Variants in GABRB3 observed in about 807,000 individuals in gnomAD.
GABRB3 encodes gamma-aminobutyric acid type A receptor subunit beta3.
GABRB3 carries 14 observed loss-of-function variants against 52.1 expected under a neutral mutation model. The observed-to-expected ratio is 0.27, with a 90% CI of 0.18 to 0.42. The LOEUF is 0.42. Among genes scored for constraint, GABRB3 ranks in the 10% least tolerant of loss-of-function variants. The pLI is 1.00. For missense variants in GABRB3, 307 were observed against 609.1 expected (o/e 0.50, Z 5.22); for synonymous variants, 260 against 232.3 (o/e 1.12, Z -1.08).
Position 26,547,981 on chromosome 15 carries a change from G to T in GABRB3, c.1234C>A (p.His412Asn). 9.9e-6 allele frequency: 16 copies of T among 1,614,190 alleles called. No individual in the cohort carries two copies. The highest frequency in any genetic ancestry group is 1.3e-5 in the Non-Finnish European group (15 of 1,180,034). ...CTTCTGTCCCCCAGGAATCGCCCAT[G>T]CCCTTCTCGAGGCATGCTCTGTTTC... ...YRKQSMPREGHGRFLGDRSLP... is the reference protein window; with the variant it reads ...YRKQSMPREGNGRFLGDRSLP... The change falls in exon 9 of 9, where the codon CAT becomes AAT. Residue 412 changes from histidine (H) to asparagine (N), a missense_variant. Coordinates refer to ENST00000311550, the MANE Select transcript of GABRB3 (RefSeq NM_000814.6).
At chr15:26,751,614 G>A (rs1394156578) in intron 3 of GABRB3, among the ~76,000 whole-genome samples, 1 of 151,864 alleles carries the variant, frequency 6.6e-6, no homozygotes, top group Admixed American at 6.6e-5. Flanking sequence ...AAAATCAATA[G>A]TATGTCTAAC....
intron 3 of GABRB3, among the ~76,000 whole-genome samples, chr15:26,720,532 C>T (rs962242582): frequency 6.6e-6 from 1 of 152,132 alleles, no homozygotes; most frequent in Non-Finnish European, 1.5e-5. Flanking sequence ...GGGACCCAGA[C>T]GGTCAGGTTT....
chr15:26,741,337 T>C (rs1462747384), intron 3 of GABRB3, among the ~76,000 whole-genome samples: 1 of 152,104 alleles, frequency 6.6e-6, no homozygotes, highest in Non-Finnish European at 1.5e-5. Context: ...CACAGTGCCA[T>C]TACCAGACAC....
chr15:26,606,135 A>T (rs769591071), intron 4 of GABRB3, among the ~76,000 whole-genome samples: 14 of 152,098 alleles, frequency 9.2e-5, no homozygotes, highest in Non-Finnish European at 1.9e-4. Context: ...TGGAGATTAC[A>T]ATTCAACATG....
At chr15:26,605,060 C>A (rs1392551323) in intron 4 of GABRB3, among the ~76,000 whole-genome samples, 1 of 152,134 alleles carries the variant, frequency 6.6e-6, no homozygotes, top group African/African-American at 2.4e-5. Context: ...GGTGCTCAAA[C>A]AACTCTATAG....
intron 3 of GABRB3, among the ~76,000 whole-genome samples, chr15:26,627,343 T>C (rs1892740218): frequency 1.4e-5 from 1 of 73,036 alleles, no homozygotes; most frequent in African/African-American, 4.5e-5. Context: ...CTACAGCCCA[T>C]AGATCAAGGA....
intron 4 of GABRB3, chr15:26,616,202 G>T: frequency 4.8e-6 from 3 of 624,410 alleles, no homozygotes; most frequent in Admixed American, 2.5e-5. Context: ...AGGATGGAGG[G>T]TGGCTGAGCC....
At chr15:26,675,211 A>G (rs1888029012) in intron 3 of GABRB3, among the ~76,000 whole-genome samples, 1 of 152,182 alleles carries the variant, frequency 6.6e-6, no homozygotes, top group African/African-American at 2.4e-5. Context: ...TCTGAACAAC[A>G]ACAAAACATG....
intron 3 of GABRB3, among the ~76,000 whole-genome samples, chr15:26,737,110 C>T (rs760303754): frequency 3.9e-5 from 6 of 152,352 alleles, no homozygotes; most frequent in South Asian, 2.1e-4. Context: ...CCAGAGAACA[C>T]GGCTGAGGCC....
intron 4 of GABRB3, among the ~76,000 whole-genome samples, chr15:26,601,084 T>C (rs1247013663): frequency 6.6e-6 from 1 of 152,104 alleles, no homozygotes; most frequent in African/African-American, 2.4e-5. Context: ...GTAAGGCTCA[T>C]GGTAAGCACA....
intron 3 of GABRB3, among the ~76,000 whole-genome samples, chr15:26,685,238 T>C (rs1711914028): frequency 6.6e-6 from 1 of 152,156 alleles, no homozygotes; most frequent in South Asian, 2.1e-4. Flanking sequence ...ATGAAGCCCC[T>C]TCCTCTCAGC....
chr15:26,736,912 C>A, intron 3 of GABRB3, among the ~76,000 whole-genome samples: 1 of 152,238 alleles, frequency 6.6e-6, no homozygotes, highest in East Asian at 1.9e-4. Context: ...GTCACCGGCA[C>A]TTCCCAGGTT....
intron 3 of GABRB3, among the ~76,000 whole-genome samples, chr15:26,720,109 A>G (rs1388207703): frequency 6.6e-6 from 1 of 152,080 alleles, no homozygotes; most frequent in African/African-American, 2.4e-5. Context: ...AACCTGGCTC[A>G]AAAAGCTCCC....
In GABRB3 at chr15:26,628,350, C is replaced by G. The variant is rs79796963; in HGVS notation, c.241-6816G>C. ...CGCCTGCTAGGCAACTTGGGGGAGG[C>G]GAAGATGAACCTGAGGCACTGTGAG... On this transcript the variant is annotated intron_variant, in intron 3 of 8. Coordinates refer to ENST00000311550, the MANE Select transcript of GABRB3 (RefSeq NM_000814.6). Among the ~76,000 whole-genome samples the G allele has an allele frequency of 6.4e-3, 977 of 152,244 alleles. 17 individuals are homozygous for G. Among genetic ancestry groups the G allele is most frequent in the African/African-American group, 0.023 (954 of 41,536 alleles).
At chr15:26,767,668 C>T (rs1012604454) in intron 3 of GABRB3, among the ~76,000 whole-genome samples, 2 of 152,170 alleles carry the variant, frequency 1.3e-5, no homozygotes, top group African/African-American at 4.8e-5. Context: ...GCCTGAGAAC[C>T]TGGCCAGGGA....
At chr15:26,766,815 A>G (rs1891009576) in intron 3 of GABRB3, among the ~76,000 whole-genome samples, 2 of 152,148 alleles carry the variant, frequency 1.3e-5, no homozygotes, top group South Asian at 4.1e-4. Context: ...ACAACATACC[A>G]TAAGATCCTA....
At chr15:26,613,274 G>C (rs1892139377) in intron 4 of GABRB3, 1 of 152,208 alleles carries the variant, frequency 6.6e-6, no homozygotes, top group Non-Finnish European at 1.5e-5. Flanking sequence ...AGTCAGACAT[G>C]GTAGTGCACA....
At chr15:26,759,526 TGGGATTACA>T (rs1280881617) in intron 3 of GABRB3, among the ~76,000 whole-genome samples, 1 of 152,236 alleles carries the variant, frequency 6.6e-6, no homozygotes, top group Non-Finnish European at 1.5e-5. Flanking sequence ...CCCAAAGTGC[TGGGATTACA>T]GGCATGAGCC....
At chr15:26,672,202 C>T (rs1001275959) in intron 3 of GABRB3, among the ~76,000 whole-genome samples, 5 of 152,108 alleles carry the variant, frequency 3.3e-5, no homozygotes, top group Non-Finnish European at 5.9e-5. Context: ...AATCAAGGAA[C>T]GCAGGAAGAA....
Sources: gnomAD v4.1 joint callset for allele counts (sites outside exome capture counted in the v4.1 genomes callset) on GRCh38, gnomAD v4.1.1 for gene constraint, MANE v1.5 for transcripts, NCBI Gene and HGNC (gene_info 2026-07-23, HGNC 2026-07-21) for gene names.